Variants in GLS2 observed in about 807,000 individuals in gnomAD.
The protein encoded by GLS2 is glutaminase 2, also known as glutaminase liver isoform, mitochondrial.
GLS2 carries 52 observed loss-of-function variants against 79.0 expected under a neutral mutation model. The ratio of observed to expected loss-of-function variants is 0.66; its 90% CI spans 0.53 to 0.83. The LOEUF (loss-of-function observed/expected upper bound fraction) is 0.83. Among genes scored for constraint, GLS2 ranks in the 40% least tolerant of loss-of-function variants. The pLI, the probability that GLS2 is intolerant of heterozygous loss-of-function variation, is 0.00. For synonymous variants in GLS2, 238 were observed against 280.8 expected, an observed-to-expected ratio of 0.85 and a Z score of 1.52; for missense variants, 561 against 764.8, an observed-to-expected ratio of 0.73 and a Z score of 3.14.
intron 1 of GLS2, among the ~76,000 whole-genome samples, 167 bp downstream of exon 1, chr12:56,487,770 A>T (rs1430360772): frequency 6.6e-6 from 1 of 152,198 alleles, no homozygotes; most frequent in Non-Finnish European, 1.5e-5. Context: ...TTACCGCCCG[A>T]GCGCGGCGCA....
intron 14 of GLS2, 23 bp from the exon 15 acceptor site, chr12:56,472,774 A>G (rs779303058): frequency 6.2e-7 from 1 of 1,611,356 alleles, no homozygotes; most frequent in Non-Finnish European, 8.5e-7. Flanking sequence ...TCATACCCAC[A>G]TGACATTAAT....
chr12:56,473,098 C>T, intron 14 of GLS2, 130 bp downstream of exon 14: 1 of 812,400 alleles, frequency 1.2e-6, no homozygotes, highest in South Asian at 1.7e-5. Context: ...ACCGTGTTAG[C>T]CAGGATGGTC....
rs754827246 is a variant in GLS2 at position 56,472,178 on chromosome 12, A to G, written c.1529T>C (p.Met510Thr). 14 of 1,614,036 alleles carry G rather than the reference A, an allele frequency of 8.7e-6. No individual in the cohort carries two copies. The highest frequency in any genetic ancestry group is 1.6e-4 in the Middle Eastern group (1 of 6,084). The change falls in exon 16 of 18, where the codon ATG becomes ACG. Residue 510 changes from methionine to threonine, a missense_variant. Physicochemically the swap from Met to Thr is moderately conservative, Grantham distance 81. Coordinates refer to ENST00000311966, the MANE Select transcript of GLS2 (RefSeq NM_013267.4). ...SALRRFALSA[M>T]DMEQKDYDSR... ...GTCATAGTCTTTCTGTTCCATATCC[A>G]TGGCTGACAAGGCAAACCTGAGGGT...
Position 56,471,342 on chromosome 12 carries a change from A to C in GLS2, c.*145T>G. 1.2e-6 allele frequency: 1 copy of C among 856,568 alleles called. No individual in the cohort carries two copies. The highest frequency in any genetic ancestry group is 1.9e-5 in the South Asian group (1 of 53,538). The allele number at this position is 856,568 out of a possible 1,614,324, so 53.1% of individuals were successfully genotyped here. ...GAGGGAATGGGGTATTTTGACTCCC[A>C]TAGAAAGCACTAGCCTAAGTCACCA... On this transcript the variant is annotated 3_prime_UTR_variant, in exon 18 of 18. Transcript: ENST00000311966.
At chr12:56,477,886 G>T (rs1482299985) in intron 6 of GLS2, 47 bp downstream of exon 6, 1 of 1,587,844 alleles carries the variant, frequency 6.3e-7, no homozygotes, top group Non-Finnish European at 8.6e-7. Flanking sequence ...TGGGGATAAG[G>T]AGAAGGGGAC....
intron 15 of GLS2, chr12:56,472,448 TA>T: frequency 1.7e-6 from 1 of 603,586 alleles, no homozygotes; most frequent in East Asian, 2.8e-5. Flanking sequence ...TGAGGCAGGG[TA>T]CCTACTTCCT....
chr12:56,477,628 A>G lies in GLS2; in HGVS notation c.837+32T>C, dbSNP rs377272680. On this transcript the variant is annotated intron_variant, in intron 7 of 17. Coordinates refer to ENST00000311966, the MANE Select transcript of GLS2 (RefSeq NM_013267.4). ...ACAGGAACACAGGAGCTTAGAGGAT[A>G]ATACCTATCAGAAGGTTAAGGTGGC... 21 of 1,599,508 alleles carry G rather than the reference A, an allele frequency of 1.3e-5. No homozygotes were observed. The African/African-American group carries it at 2.4e-4, about 18-fold the overall frequency.
chr12:56,481,925 A>G (rs1464709215), intron 1 of GLS2, among the ~76,000 whole-genome samples: 5 of 149,738 alleles, frequency 3.3e-5, no homozygotes, highest in East Asian at 3.9e-4. Flanking sequence ...TAGGACATCA[A>G]AAGCTCTTTA....
intron 7 of GLS2, 80 bp downstream of exon 7, chr12:56,477,580 A>C: frequency 7.1e-7 from 1 of 1,409,610 alleles, no homozygotes; most frequent in Non-Finnish European, 9.8e-7. Flanking sequence ...GTCTCCCTGG[A>C]GAGCTGAACA....
rs113881795 is a variant in GLS2, at chr12:56,476,110, C to CT, written c.838-134dup. On this transcript the variant is annotated intron_variant, in intron 7 of 17. Transcript: ENST00000311966. ...AAATGTGTTCAATTTTATAATGGCC[C>CT]TTTTTTTATCCTTCTGAAAACACCG... 3.3e-3 allele frequency: 2,561 copies of CT among 766,332 alleles called. 36 individuals carry two copies. The African/African-American group carries it at 0.034, about 10-fold the overall frequency. 47.5% of individuals were successfully genotyped at this position (766,332 alleles called of 1,614,324 possible).
In GLS2 at chr12:56,472,728, T is replaced by C. The variant is rs1370006183; in HGVS notation, c.1473A>G (p.Leu491=). ...AGACATCGCCACTATAGGCAGCAAA[T>C]AACAGGTTGACCACAGTCTTGTTCT... is the stretch of plus-strand genomic sequence containing the variant. ...EIRNKTVVNL[L]FAAYSGDVSA... The change falls in exon 15 of 18, where the codon TTA becomes TTG. Residue 491 remains leucine, a synonymous_variant. Coordinates refer to ENST00000311966, the MANE Select transcript of GLS2 (RefSeq NM_013267.4). 1 of 1,613,690 alleles carries C rather than the reference T, an allele frequency of 6.2e-7. No homozygotes were observed. The highest frequency in any genetic ancestry group is 8.5e-7 in the Non-Finnish European group (1 of 1,179,916).
rs1179891033 is a variant in GLS2, at chr12:56,479,887, A to G, written c.297T>C (p.Thr99=). 1 of 1,613,278 alleles carries G rather than the reference A, an allele frequency of 6.2e-7. No homozygotes were observed. The highest frequency in any genetic ancestry group is 1.7e-5 in the Admixed American group (1 of 59,974). ...GCCGAGGATCTGATGTCTGCAGTCC[A>G]GTGGCCTTTAGTGCCTTTAGAGGAA... The part of the protein sequence containing the change: ...IHKFTTALKA[T]GLQTSDPRLR... Residue 99 remains threonine (T), a synonymous_variant, in exon 3 of 18, where the codon ACT becomes ACC. Coordinates refer to ENST00000311966, the MANE Select transcript of GLS2 (RefSeq NM_013267.4).
Position 56,488,064 on chromosome 12 carries a change from C to T in GLS2, c.55G>A (p.Gly19Arg). The T allele has an allele frequency of 3.2e-6, 5 of 1,581,426 alleles. No individual in the cohort carries two copies. The highest frequency in any genetic ancestry group is 4.3e-6 in the Non-Finnish European group (5 of 1,170,760). Residue 19 changes from glycine (G) to arginine (R), a missense_variant, in exon 1 of 18, where the codon GGG (glycine) becomes AGG (arginine). By Grantham distance (125) the Gly-to-Arg change is moderately radical. Coordinates refer to ENST00000311966, the MANE Select transcript of GLS2 (RefSeq NM_013267.4). ...CTCGGGTGACCCCAGCCTCCTCGCC[C>T]GCAGTGACTGCCAGCCCGGCTCAGG... ...KALSRAGSHC[G>R]RGGWGHPSRS...
chr12:56,472,571 C>A, intron 15 of GLS2, 119 bp downstream of exon 15: 3 of 859,150 alleles, frequency 3.5e-6, no homozygotes, highest in Non-Finnish European at 3.7e-6. Flanking sequence ...CATTTAAATG[C>A]AATCTATATC....
chr12:56,484,206 G>A (rs1870517128), intron 1 of GLS2, among the ~76,000 whole-genome samples: 1 of 152,150 alleles, frequency 6.6e-6, no homozygotes, highest in Non-Finnish European at 1.5e-5. Context: ...GGAGGCGGAG[G>A]TTGCAGTGAG....
At position 56,488,106 on chromosome 12, in the gene GLS2, T is replaced by C. The variant is rs749084954; in HGVS notation, c.13A>G (p.Lys5Glu). 1.3e-6 allele frequency: 2 copies of C among 1,552,042 alleles called. No individual in the cohort carries two copies. The highest frequency in any genetic ancestry group is 1.7e-6 in the Non-Finnish European group (2 of 1,155,916). The change falls in exon 1 of 18, where the codon AAG (lysine) becomes GAG (glutamate). Residue 5 changes from lysine (K) to glutamate (E), a missense_variant. By Grantham distance (56) the Lys-to-Glu change is moderately conservative. This residue lies in a region of GLS2 where 161 missense variants were observed against 167.8 expected (regional missense o/e 0.96). Transcript: ENST00000311966. MRSM[K>E]ALQKALSRAG... is the part of the protein sequence containing the mutation. ...CGGCTCAGGGCCTTCTGCAGAGCCT[T>C]CATGGAGCGCATGCCCCAGCAAGCC...
intron 1 of GLS2, among the ~76,000 whole-genome samples, chr12:56,483,731 C>G (rs1870479480): frequency 6.6e-6 from 1 of 151,998 alleles, no homozygotes; most frequent in Admixed American, 6.6e-5. Context: ...TAGGTGTATG[C>G]CACCATGCCC....
intron 8 of GLS2, 87 bp downstream of exon 8, chr12:56,475,858 G>T: frequency 6.8e-7 from 1 of 1,473,176 alleles, no homozygotes; most frequent in Non-Finnish European, 9.5e-7. Flanking sequence ...GCACCTGGTA[G>T]TGGGGTTAGA....
chr12:56,473,005 T>C, intron 14 of GLS2: 1 of 571,030 alleles, frequency 1.8e-6, no homozygotes, highest in African/African-American at 1.9e-5. Flanking sequence ...TTCTCCTGCC[T>C]CAGCCTCCCA....
Sources: gnomAD v4.1 joint callset for allele counts (sites outside exome capture counted in the v4.1 genomes callset) on GRCh38, gnomAD v4.1.1 for gene constraint, gnomAD v4.1.1 regional missense constraint, MANE v1.5 for transcripts, NCBI Gene and HGNC (gene_info 2026-07-23, HGNC 2026-07-21) for gene names.